ATP8B4: variants seen among roughly 807,000 people sequenced by gnomAD.
ATP8B4 encodes probable phospholipid-transporting ATPase IM.
In ATP8B4, 133 loss-of-function variants were observed where a neutral mutation model predicts 145.6. The observed-to-expected ratio is 0.91, with a 90% CI of 0.79 to 1.05. ATP8B4 has a LOEUF of 1.05. Among genes scored for constraint, ATP8B4 ranks in the 50% least tolerant of loss-of-function variants. The pLI is 0.00. For missense variants in ATP8B4, 1,458 were observed against 1,425.2 expected (o/e 1.02, Z -0.37); for synonymous variants, 507 against 492.9 (o/e 1.03, Z -0.38).
intron 2 of ATP8B4, among the ~76,000 whole-genome samples, chr15:50,085,651 A>C (rs73400842): frequency 0.027 from 4,035 of 151,648 alleles, 177 homozygotes; most frequent in African/African-American, 0.094. Flanking sequence ...GAATTCTCCC[A>C]ATCATCAAAC....
chr15:50,127,669 A>G (rs1191551912), intron 1 of ATP8B4, among the ~76,000 whole-genome samples: 1 of 152,222 alleles, frequency 6.6e-6, no homozygotes, highest in Non-Finnish European at 1.5e-5. Flanking sequence ...CTTGTGCTAT[A>G]ATACCGATTG....
chr15:50,134,122 A>T (rs2044088851), intron 1 of ATP8B4, among the ~76,000 whole-genome samples: 1 of 151,312 alleles, frequency 6.6e-6, no homozygotes, highest in African/African-American at 2.4e-5. Context: ...TTCATAAATT[A>T]TACCTCAGTA....
chr15:50,138,739 C>T (rs2044165898), intron 1 of ATP8B4, among the ~76,000 whole-genome samples: 1 of 152,130 alleles, frequency 6.6e-6, no homozygotes, highest in South Asian at 2.1e-4. Context: ...ACATTACTTC[C>T]CAGTCACTTC....
chr15:50,030,227 T>C (rs2050329521), intron 6 of ATP8B4, among the ~76,000 whole-genome samples: 1 of 152,004 alleles, frequency 6.6e-6, no homozygotes, highest in Non-Finnish European at 1.5e-5. Context: ...CTCCTCCCAA[T>C]AACAACTGAG....
At chr15:50,076,411 G>C (rs560308003) in intron 2 of ATP8B4, among the ~76,000 whole-genome samples, 6 of 152,056 alleles carry the variant, frequency 3.9e-5, no homozygotes, top group Non-Finnish European at 7.4e-5. Context: ...AAAATCACTT[G>C]AACCTGGGAG....
chr15:49,978,206 A>T (rs1161142888), intron 12 of ATP8B4, among the ~76,000 whole-genome samples: 2 of 152,216 alleles, frequency 1.3e-5, no homozygotes, highest in Admixed American at 1.3e-4. Context: ...CACATTTATT[A>T]TTCATTTAGG....
intron 1 of ATP8B4, among the ~76,000 whole-genome samples, chr15:50,108,078 G>A (rs1019068002): frequency 1.8e-4 from 28 of 151,996 alleles, no homozygotes; most frequent in African/African-American, 6.0e-4. Flanking sequence ...TGTCGCTGCC[G>A]GGTGTTGCTA....
At chr15:50,019,515 T>C (rs947410581) in intron 6 of ATP8B4, among the ~76,000 whole-genome samples, 1 of 152,196 alleles carries the variant, frequency 6.6e-6, no homozygotes, top group Non-Finnish European at 1.5e-5. Flanking sequence ...AAATAATATA[T>C]ACATTTAAAA....
At position 50,023,088 on chromosome 15, in the gene ATP8B4, C is replaced by T. The variant is rs181520435; in HGVS notation, c.363-12171G>A. ...TCTAAGTTATGTGCTCCACCCAGCT[C>T]CAGGATGAAGTTTTTCTGCTTAATA... On this transcript the variant is annotated intron_variant, in intron 6 of 27. Coordinates refer to ENST00000284509, the MANE Select transcript of ATP8B4 (RefSeq NM_024837.4). Among the ~76,000 whole-genome samples the T allele has an allele frequency of 1.4e-3, 212 of 152,226 alleles. 1 individual carries two copies. Among genetic ancestry groups the T allele is most frequent in the African/African-American group, 4.7e-3 (197 of 41,528 alleles).
chr15:49,998,445 G>C (rs1402650090), intron 8 of ATP8B4, among the ~76,000 whole-genome samples: 1 of 152,226 alleles, frequency 6.6e-6, no homozygotes, highest in East Asian at 1.9e-4. Context: ...ACTGGCGTGA[G>C]ACGGTATCTC....
chr15:50,069,661 T>C (rs1240353541), intron 3 of ATP8B4, among the ~76,000 whole-genome samples: 1 of 152,200 alleles, frequency 6.6e-6, no homozygotes, highest in Non-Finnish European at 1.5e-5. Context: ...GATTAGGGTT[T>C]GTTTTGTTGT....
intron 3 of ATP8B4, among the ~76,000 whole-genome samples, chr15:50,052,443 C>G (rs562015687): frequency 1.7e-4 from 26 of 152,356 alleles, no homozygotes; most frequent in Non-Finnish European, 1.6e-4. Context: ...GATGCCAGAC[C>G]AGGGCAGGGT....
At position 50,066,573 on chromosome 15, in the gene ATP8B4, G is replaced by A. The variant is rs180726042; in HGVS notation, c.87+7554C>T. Among the ~76,000 whole-genome samples the A allele has an allele frequency of 1.4e-3, 212 of 152,248 alleles. 1 individual carries two copies. The highest frequency in any genetic ancestry group is 5.0e-3 in the African/African-American group (207 of 41,542). On this transcript the variant is annotated intron_variant, in intron 3 of 27. Coordinates refer to ENST00000284509, the MANE Select transcript of ATP8B4 (RefSeq NM_024837.4). The stretch of plus-strand genomic sequence containing the variant: ...CAGTCCGGGGATGTGTTTCAACATG[G>A]TGACATCCCAAGAGTCTCCCAAAGA...
intron 1 of ATP8B4, among the ~76,000 whole-genome samples, chr15:50,128,722 C>A (rs982268991): frequency 6.6e-6 from 1 of 152,128 alleles, no homozygotes; most frequent in Non-Finnish European, 1.5e-5. Context: ...CCCTACTTAC[C>A]CTTTGGAGTG....
chr15:50,012,902 A>AAT (rs2048822964), intron 6 of ATP8B4, among the ~76,000 whole-genome samples: 1 of 152,160 alleles, frequency 6.6e-6, no homozygotes. Context: ...AGCAAATATT[A>AAT]ATATATATAA....
At chr15:49,931,447 A>G (rs896594931) in intron 15 of ATP8B4, 140 bp from the exon 16 acceptor site, 4 of 758,772 alleles carry the variant, frequency 5.3e-6, no homozygotes, top group Admixed American at 2.9e-5. Flanking sequence ...GATCTTTTCT[A>G]CTCACCAACA....
chr15:50,135,406 C>T (rs2044107502), intron 1 of ATP8B4, among the ~76,000 whole-genome samples: 1 of 152,210 alleles, frequency 6.6e-6, no homozygotes, highest in South Asian at 2.1e-4. Flanking sequence ...GAGAACCTTT[C>T]ATTTTAACCC....
intron 12 of ATP8B4, among the ~76,000 whole-genome samples, chr15:49,974,801 C>T (rs1297743952): frequency 6.6e-6 from 1 of 152,140 alleles, no homozygotes; most frequent in African/African-American, 2.4e-5. Flanking sequence ...GAAGATTTTA[C>T]ATCACCATTT....
intron 5 of ATP8B4, 88 bp downstream of exon 5, chr15:50,044,506 C>G: frequency 1.1e-6 from 1 of 926,218 alleles, no homozygotes; most frequent in Non-Finnish European, 1.6e-6. Context: ...TAACTTCATT[C>G]AAAATTTCAA....
Sources: gnomAD v4.1 joint callset for allele counts (sites outside exome capture counted in the v4.1 genomes callset) on GRCh38, gnomAD v4.1.1 for gene constraint, MANE v1.5 for transcripts, NCBI Gene and HGNC (gene_info 2026-07-23, HGNC 2026-07-21) for gene names.